The following UNC45A variants were observed in gnomAD, a reference collection of about 807,000 sequenced individuals.
The protein encoded by UNC45A is protein unc-45 homolog A.
In UNC45A, 78 loss-of-function variants were observed where a neutral mutation model predicts 103.2. That is an observed-to-expected ratio of 0.76 (90% CI 0.63 to 0.91). The LOEUF (loss-of-function observed/expected upper bound fraction) is 0.91. Among genes scored for constraint, UNC45A ranks in the 40% least tolerant of loss-of-function variants. UNC45A has a pLI of 0.00. For missense variants in UNC45A, 1,193 were observed against 1,224.8 expected, an observed-to-expected ratio of 0.97 and a Z score of 0.39; for synonymous variants, 495 against 504.6, an observed-to-expected ratio of 0.98 and a Z score of 0.25.
chr15:90,949,535 G>C (rs111659981), intron 14 of UNC45A, 92 bp downstream of exon 14: 2 of 1,599,920 alleles, frequency 1.3e-6, no homozygotes, highest in Non-Finnish European at 1.7e-6. Context: ...CCAGTGCTGT[G>C]GGCCTCTTAG....
At chr15:90,945,171 G>T (rs1445114974) in intron 9 of UNC45A, 108 bp downstream of exon 9, 33 of 1,438,014 alleles carry the variant, frequency 2.3e-5, no homozygotes, top group Non-Finnish European at 1.2e-5. Context: ...AGTAATCTTG[G>T]GGAGGACTAG....
At chr15:90,940,588 C>G (rs2036244070) in intron 6 of UNC45A, 115 bp downstream of exon 6, 2 of 1,312,556 alleles carry the variant, frequency 1.5e-6, no homozygotes, top group African/African-American at 1.5e-5. Flanking sequence ...CATCCATCCA[C>G]TCTTCCACCC....
intron 17 of UNC45A, chr15:90,952,106 A>G (rs1260345919): frequency 6.6e-6 from 1 of 152,306 alleles, no homozygotes; most frequent in Non-Finnish European, 1.5e-5. Context: ...GACATTGCCA[A>G]GGGAAATCCT....
upstream of UNC45A, chr15:90,932,107 A>G: frequency 6.3e-7 from 1 of 1,592,816 alleles, no homozygotes. Flanking sequence ...GATCCGTGCC[A>G]CACCTGACGG....
upstream of UNC45A, chr15:90,931,737 T>C: frequency 6.2e-7 from 1 of 1,614,130 alleles, no homozygotes; most frequent in South Asian, 1.1e-5. Context: ...TCCCTCAGAT[T>C]GTACAGCTTG....
chr15:90,937,490 G>GTT (rs1040369055), intron 4 of UNC45A, among the ~76,000 whole-genome samples: 2 of 147,408 alleles, frequency 1.4e-5, no homozygotes, highest in Non-Finnish European at 3.0e-5. Flanking sequence ...GAAAATAATT[G>GTT]TTTTTTTTTT....
At chr15:90,952,020 A>G (rs1209935171) in intron 17 of UNC45A, among the ~76,000 whole-genome samples, 1 of 152,106 alleles carries the variant, frequency 6.6e-6, no homozygotes, top group Non-Finnish European at 1.5e-5. Flanking sequence ...ATTTCCCACA[A>G]TCCTATGCTA....
intron 8 of UNC45A, 150 bp from the exon 9 acceptor site, chr15:90,944,742 A>T: frequency 1.1e-6 from 1 of 895,580 alleles, no homozygotes; most frequent in Non-Finnish European, 1.6e-6. Context: ...CAGATCAGCT[A>T]AGCAGATTCT....
At chr15:90,931,792 T>C, upstream of UNC45A, 1 of 1,614,154 alleles carries the variant, frequency 6.2e-7, no homozygotes, top group Non-Finnish European at 8.5e-7. Context: ...TGTGGGGCGC[T>C]TGCTCCACCT....
chr15:90,942,947 C>T lies in UNC45A; in HGVS notation c.892C>T (p.Leu298Phe). 6.2e-7 allele frequency: 1 copy of T among 1,613,896 alleles called. No homozygotes were observed. Among genetic ancestry groups the T allele is most frequent in the Non-Finnish European group, 8.5e-7 (1 of 1,179,882 alleles). ...ARELKVLISNLLDLLTEVGVS... is the reference protein window; with the variant it reads ...ARELKVLISNFLDLLTEVGVS... ...GGAGCTGAAGGTCCTCATCAGTAAC[C>T]TCTTAGATCTGCTGACAGAGGTGGG... The change falls in exon 8 of 20, where the codon CTC (leucine) becomes TTC (phenylalanine). Residue 298 changes from leucine to phenylalanine, a missense_variant. Physicochemically the swap from Leu to Phe is conservative, Grantham distance 22. Coordinates refer to ENST00000418476, the MANE Select transcript of UNC45A (RefSeq NM_018671.5).
At chr15:90,938,834 G>A (rs886897850) in intron 4 of UNC45A, among the ~76,000 whole-genome samples, 1 of 151,900 alleles carries the variant, frequency 6.6e-6, no homozygotes, top group Admixed American at 6.6e-5. Flanking sequence ...ACCACACCTG[G>A]CTAATTTTTA....
Position 90,953,803 on chromosome 15 carries a change from G to A in UNC45A, c.*87G>A. The A allele has an allele frequency of 6.6e-7, 1 of 1,521,982 alleles. No individual in the cohort carries two copies. The highest frequency in any genetic ancestry group is 1.3e-5 in the South Asian group (1 of 79,940). The allele number at this position is 1,521,982 out of a possible 1,614,324, so 94.3% of individuals were successfully genotyped here. ...GACGGAAGCAGCTTTGGCTGGTGGT[G>A]GCTGGCATGCCCAATACTCTTGCCC... is the stretch of plus-strand genomic sequence containing the variant. On this transcript the variant is annotated 3_prime_UTR_variant, in exon 20 of 20. Coordinates refer to ENST00000418476, the MANE Select transcript of UNC45A (RefSeq NM_018671.5).
rs767083021 is a variant in UNC45A, at chr15:90,940,288, G to A, written c.520-18G>A. 1.2e-6 allele frequency: 2 copies of A among 1,607,424 alleles called. No homozygotes were observed. Among genetic ancestry groups the A allele is most frequent in the Middle Eastern group, 1.7e-4 (1 of 5,976 alleles). Reference sequence around the variant, plus strand: ...CCGTGTGCAGTGTCAACATTATAATGTGCTTCCTTTGACGCAGGCTTCTCA... The same window carrying A: ...CCGTGTGCAGTGTCAACATTATAATATGCTTCCTTTGACGCAGGCTTCTCA... On this transcript the variant is annotated intron_variant, in intron 5 of 19. Coordinates refer to ENST00000418476, the MANE Select transcript of UNC45A (RefSeq NM_018671.5).
rs140571501 is a variant in UNC45A, at chr15:90,941,237, G to A, written c.687+764G>A. ...TACCATCGAGACAGTGACCGGACAC[G>A]TAGGGCTTGATCCCGACATGATTCT... On this transcript the variant is annotated intron_variant, in intron 6 of 19. Transcript: ENST00000418476. Among the ~76,000 whole-genome samples the A allele has an allele frequency of 4.4e-3, 670 of 152,178 alleles. 2 individuals carry two copies. The highest frequency in any genetic ancestry group is 5.9e-3 in the Non-Finnish European group (404 of 67,992).
rs573118358 is a variant in UNC45A at position 90,937,966 on chromosome 15, A to G, written c.426+1506A>G. On this transcript the variant is annotated intron_variant, in intron 4 of 19. Transcript: ENST00000418476. ...ATGTCACCACGCTCGCCTAATTTTTATATTTTTTGTAGAGACAGGGTTTTA... is the reference window on the plus strand; with the variant it reads ...ATGTCACCACGCTCGCCTAATTTTTGTATTTTTTGTAGAGACAGGGTTTTA... Among the ~76,000 whole-genome samples the G allele has an allele frequency of 2.6e-3, 390 of 151,898 alleles. 1 individual carries two copies. The highest frequency in any genetic ancestry group is 9.0e-3 in the African/African-American group (373 of 41,416).
At chr15:90,932,233 G>C, upstream of UNC45A, 1 of 1,115,212 alleles carries the variant, frequency 9.0e-7, no homozygotes, top group Non-Finnish European at 1.3e-6. Flanking sequence ...CCTTGGTCAA[G>C]TACCTTACCC....
intron 17 of UNC45A, 91 bp downstream of exon 17, chr15:90,950,706 G>C (rs2036858846): frequency 7.6e-7 from 1 of 1,309,092 alleles, no homozygotes; most frequent in African/African-American, 1.5e-5. Flanking sequence ...ACACTCCTTG[G>C]TCATGGGCTT....
At chr15:90,948,476 G>A in intron 12 of UNC45A, 178 bp from the exon 13 acceptor site, 1 of 1,268,512 alleles carries the variant, frequency 7.9e-7, no homozygotes, top group Non-Finnish European at 1.1e-6. Context: ...CTTCTTGGAG[G>A]AGCTGGGGAG....
At chr15:90,932,006 G>A, upstream of UNC45A, 2 of 1,613,942 alleles carry the variant, frequency 1.2e-6, no homozygotes, top group Admixed American at 1.7e-5. Context: ...TGCTGAATGG[G>A]GCCCCTAATC....
Sources: gnomAD v4.1 joint callset for allele counts (sites outside exome capture counted in the v4.1 genomes callset) on GRCh38, gnomAD v4.1.1 for gene constraint, MANE v1.5 for transcripts, NCBI Gene and HGNC (gene_info 2026-07-23, HGNC 2026-07-21) for gene names.